Variants in ESRRG observed in about 807,000 individuals in gnomAD.
The protein encoded by ESRRG is estrogen-related receptor gamma.
In ESRRG, 13 loss-of-function variants were observed where a neutral mutation model predicts 44.0. The ratio of observed to expected loss-of-function variants is 0.30; its 90% CI spans 0.19 to 0.47. The LOEUF (loss-of-function observed/expected upper bound fraction) is 0.47, where lower values mean the gene tolerates loss of function less well. Among genes scored for constraint, ESRRG ranks in the 20% least tolerant of loss-of-function variants. The probability of loss-of-function intolerance (pLI) is 1.00; values close to 1 mark genes in which losing one functional copy is unlikely to be tolerated. For synonymous variants in ESRRG, 215 were observed against 214.6 expected (o/e 1.00, Z -0.02); for missense variants, 395 against 580.6 (o/e 0.68, Z 3.29).
At chr1:216,739,219 T>A (rs1440323080) in intron 2 of ESRRG, among the ~76,000 whole-genome samples, 1 of 149,682 alleles carries the variant, frequency 6.7e-6, no homozygotes, top group Non-Finnish European at 1.5e-5. Flanking sequence ...ATCCCGACAC[T>A]GAGAGACAAG....
chr1:216,726,227 T>C (rs185802988), upstream of ESRRG, among the ~76,000 whole-genome samples: 7 of 152,316 alleles, frequency 4.6e-5, no homozygotes, highest in East Asian at 1.4e-3. Flanking sequence ...ACTAGGTTTG[T>C]AGACTTGGAT....
rs985117282 is a variant in ESRRG, at chr1:216,707,511, A to G, written c.56+15733T>C. ...TCTAAAAAGCCAAAACCAGAAAGTT[A>G]GGGTGAAAGTTGCAATTTGCTGAAG... On this transcript the variant is annotated intron_variant, in intron 1 of 6. Coordinates refer to ENST00000408911, the MANE Select transcript of ESRRG (RefSeq NM_001438.4). 5 of 1,521,624 alleles carry G rather than the reference A, an allele frequency of 3.3e-6. No homozygotes were observed. The African/African-American group carries it at 5.5e-5, about 17-fold the overall frequency. 94.3% of individuals were successfully genotyped at this position (1,521,624 alleles called of 1,614,324 possible).
At chr1:216,569,723 G>C (rs2060437644) in intron 3 of ESRRG, among the ~76,000 whole-genome samples, 1 of 152,192 alleles carries the variant, frequency 6.6e-6, no homozygotes, top group Non-Finnish European at 1.5e-5. Context: ...TATTCATTAA[G>C]AAGTTCAACC....
chr1:216,647,720 G>A (rs1002606744), intron 3 of ESRRG, among the ~76,000 whole-genome samples: 2 of 152,090 alleles, frequency 1.3e-5, no homozygotes, highest in East Asian at 3.9e-4. Flanking sequence ...AGTCAATAAA[G>A]CTAACGATTA....
intron 2 of ESRRG, among the ~76,000 whole-genome samples, chr1:216,844,765 G>A (rs1355198468): frequency 3.2e-5 from 2 of 61,802 alleles, no homozygotes; most frequent in East Asian, 2.8e-4. Flanking sequence ...ATTCGTGCAT[G>A]TGTGTGTGTG....
chr1:217,097,168 A>G (rs1430691121), intron 1 of ESRRG, among the ~76,000 whole-genome samples: 4 of 152,196 alleles, frequency 2.6e-5, no homozygotes, highest in Non-Finnish European at 5.9e-5. Flanking sequence ...ATTCCTATCC[A>G]GAACATGACA....
intron 3 of ESRRG, among the ~76,000 whole-genome samples, chr1:216,616,421 C>A (rs1008116390): frequency 6.6e-6 from 1 of 152,176 alleles, no homozygotes; most frequent in African/African-American, 2.4e-5. Flanking sequence ...GACTAAAAAA[C>A]AAGCGTGTCT....
rs936988446 is a variant in ESRRG at position 216,836,312 on chromosome 1, T to C, written c.-14+103270A>G. Among the ~76,000 whole-genome samples the C allele has an allele frequency of 2.6e-5, 4 of 152,110 alleles. No homozygotes were observed. The East Asian group carries it at 5.8e-4, about 22-fold the overall frequency. On this transcript the variant is annotated intron_variant, in intron 2 of 7. Coordinates refer to the ESRRG transcript ENST00000359162. ...CTTTCTGTTATTATACCCACAAGTTTCAAGAATCTGTCTGTTCATCTCCAA... is the reference window on the plus strand; with the variant it reads ...CTTTCTGTTATTATACCCACAAGTTCCAAGAATCTGTCTGTTCATCTCCAA...
At chr1:216,920,157 C>T (rs2061647934) in intron 2 of ESRRG, among the ~76,000 whole-genome samples, 2 of 152,288 alleles carry the variant, frequency 1.3e-5, no homozygotes, top group South Asian at 4.1e-4. Flanking sequence ...AAGAGCAATG[C>T]TGTGCTCGCA....
intron 2 of ESRRG, among the ~76,000 whole-genome samples, chr1:216,759,943 T>C (rs989805261): frequency 6.6e-6 from 1 of 152,148 alleles, no homozygotes; most frequent in Non-Finnish European, 1.5e-5. Context: ...GCCTAGTTCC[T>C]GCTCAACCTT....
At position 217,051,040 on chromosome 1, in the gene ESRRG, C is replaced by A. The variant is rs574570415; in HGVS notation, c.-106+38467G>T. ...TTTTTAAGGCATGCACATAGACTGACAAAGGGAAAAAAGAAATCGGGAAGA... is the reference window on the plus strand; with the variant it reads ...TTTTTAAGGCATGCACATAGACTGAAAAAGGGAAAAAAGAAATCGGGAAGA... On this transcript the variant is annotated intron_variant, in intron 1 of 7. Coordinates refer to the ESRRG transcript ENST00000359162. Among the ~76,000 whole-genome samples the A allele has an allele frequency of 2.0e-5, 3 of 151,958 alleles. No individual in the cohort carries two copies. The South Asian group carries it at 6.3e-4, about 32-fold the overall frequency.
At chr1:216,575,911 GGC>G (rs2061606692) in intron 3 of ESRRG, among the ~76,000 whole-genome samples, 1 of 152,050 alleles carries the variant, frequency 6.6e-6, no homozygotes, top group Non-Finnish European at 1.5e-5. Context: ...AAAAGGGCTA[GGC>G]GATTTTGCCT....
chr1:216,790,444 T>C (rs2094283274), intron 2 of ESRRG, among the ~76,000 whole-genome samples: 1 of 152,124 alleles, frequency 6.6e-6, no homozygotes, highest in South Asian at 2.1e-4. Flanking sequence ...ACATAAAAGA[T>C]AAACTAATAT....
intron 5 of ESRRG, among the ~76,000 whole-genome samples, chr1:216,522,714 ATAAAATAACAT>A (rs1373256965): frequency 7.3e-6 from 1 of 136,998 alleles, no homozygotes; most frequent in Non-Finnish European, 1.6e-5. Context: ...AAACGCATGG[ATAAAATAACAT>A]TTTTATCAAT....
intron 1 of ESRRG, among the ~76,000 whole-genome samples, chr1:217,135,687 T>C (rs2093039830): frequency 2.6e-5 from 4 of 152,074 alleles, no homozygotes; most frequent in Non-Finnish European, 5.9e-5. Context: ...GTTTCGGGGC[T>C]CCCCACGGTC....
At chr1:216,995,829 G>T (rs916053092) in intron 1 of ESRRG, among the ~76,000 whole-genome samples, 7 of 152,006 alleles carry the variant, frequency 4.6e-5, no homozygotes, top group Non-Finnish European at 2.9e-5. Flanking sequence ...ACTACATTTT[G>T]TCCTATTCTT....
intron 2 of ESRRG, among the ~76,000 whole-genome samples, chr1:216,795,448 C>G (rs1181909766): frequency 6.9e-6 from 1 of 144,812 alleles, no homozygotes; most frequent in South Asian, 2.2e-4. Flanking sequence ...TCAAGCGATT[C>G]TCCTGCCTCA....
intron 2 of ESRRG, among the ~76,000 whole-genome samples, chr1:216,748,748 T>C (rs762377938): frequency 9.9e-5 from 15 of 152,172 alleles, no homozygotes; most frequent in Non-Finnish European, 1.5e-4. Flanking sequence ...CAAACTCACT[T>C]AAATCAAGTG....
chr1:216,862,696 A>G (rs2096073265), intron 2 of ESRRG: 1 of 152,218 alleles, frequency 6.6e-6, no homozygotes, highest in African/African-American at 2.4e-5. Context: ...AGACTTATCC[A>G]TAGAGGCAAA....
Sources: allele counts gnomAD v4.1 joint callset (sites outside exome capture counted in the v4.1 genomes callset), GRCh38; gene constraint gnomAD v4.1.1; transcripts MANE v1.5; gene names NCBI Gene and HGNC (gene_info 2026-07-23, HGNC 2026-07-21).